The following ADAMTS18 variants were observed in gnomAD, a reference collection of about 807,000 sequenced individuals.
ADAMTS18 encodes the protein A disintegrin and metalloproteinase with thrombospondin motifs 18.
A neutral mutation model predicts 165.9 loss-of-function variants in ADAMTS18; 157 were observed. The ratio of observed to expected loss-of-function variants is 0.95; its 90% CI spans 0.83 to 1.08. ADAMTS18 has a LOEUF of 1.08. ADAMTS18 is among the 50% of genes least tolerant of loss of function. The probability of loss-of-function intolerance (pLI) is 0.00; values close to 1 mark genes in which losing one functional copy is unlikely to be tolerated. For missense variants in ADAMTS18, 2,040 were observed against 1,534.0 expected (o/e 1.33, Z -5.51); for synonymous variants, 782 against 578.2 (o/e 1.35, Z -5.06).
At chr16:77,345,193 G>A (rs1002987105) in intron 10 of ADAMTS18, among the ~76,000 whole-genome samples, 3 of 152,142 alleles carry the variant, frequency 2.0e-5, no homozygotes, top group Non-Finnish European at 2.9e-5. Context: ...AACCTGACAT[G>A]CTGAAAATGT....
At chr16:77,319,673 C>G (rs1454408657) in intron 16 of ADAMTS18, among the ~76,000 whole-genome samples, 176 bp downstream of exon 16, 1 of 152,032 alleles carries the variant, frequency 6.6e-6, no homozygotes, top group African/African-American at 2.4e-5. Context: ...CAACTCCTGC[C>G]CTCAGCTGAT....
intron 18 of ADAMTS18, among the ~76,000 whole-genome samples, chr16:77,296,179 A>G (rs2055468097): frequency 6.6e-6 from 1 of 152,174 alleles, no homozygotes; most frequent in Non-Finnish European, 1.5e-5. Flanking sequence ...ATATAAATAT[A>G]TTTGGCAGAA....
Position 77,295,089 on chromosome 16 carries a change from C to G in ADAMTS18, c.2840G>C (p.Cys947Ser), listed in dbSNP as rs1257561126. 1 of 1,614,174 alleles carries G rather than the reference C, an allele frequency of 6.2e-7. No homozygotes were observed. The highest frequency in any genetic ancestry group is 1.7e-5 in the Admixed American group (1 of 60,020). The change falls in exon 19 of 23, where the codon TGT (cysteine) becomes TCT (serine). Residue 947 changes from cysteine to serine, a missense_variant. Coordinates refer to ENST00000282849, the MANE Select transcript of ADAMTS18 (RefSeq NM_199355.4). ...CTTTCGGCTCTGCTGGCCTCCAGCA[C>G]AGGCCTTGCTGCATGTACTCCATTC... is the stretch of plus-strand genomic sequence containing the variant. ...PGEWSTCSKA[C>S]AGGQQSRKIQ...
At chr16:77,408,341 A>G (rs565135234) in intron 3 of ADAMTS18, among the ~76,000 whole-genome samples, 2 of 152,292 alleles carry the variant, frequency 1.3e-5, no homozygotes, top group South Asian at 2.1e-4. Flanking sequence ...GAGAAATTCC[A>G]TTTCTAGATA....
rs891191315 is a variant in ADAMTS18, at chr16:77,305,358, T to TA, written c.2533-4955dup. ...GAAAGTTTCTCTTTCACCCTGTTCT[T>TA]AAAAAAAAATCAGAATTTTCTCAAA... On this transcript the variant is annotated intron_variant, in intron 16 of 22. Coordinates refer to ENST00000282849, the MANE Select transcript of ADAMTS18 (RefSeq NM_199355.4). Among the ~76,000 whole-genome samples the TA allele has an allele frequency of 3.0e-4, 46 of 151,642 alleles. 1 individual carries two copies. Among genetic ancestry groups the TA allele is most frequent in the South Asian group, 4.2e-4 (2 of 4,800 alleles).
chr16:77,323,410 T>C (rs545523220), intron 13 of ADAMTS18, among the ~76,000 whole-genome samples: 8 of 152,184 alleles, frequency 5.3e-5, no homozygotes, highest in Admixed American at 1.3e-4. Flanking sequence ...CGTGGGTGGG[T>C]TAAAAGGTTC....
chr16:77,351,090 C>T (rs1032666616), intron 10 of ADAMTS18, among the ~76,000 whole-genome samples: 2 of 152,118 alleles, frequency 1.3e-5, no homozygotes, highest in Non-Finnish European at 2.9e-5. Flanking sequence ...TTTGGAAATC[C>T]CTCCTGGCTA....
chr16:77,346,430 G>A (rs1230475495), intron 10 of ADAMTS18, among the ~76,000 whole-genome samples: 4 of 151,934 alleles, frequency 2.6e-5, no homozygotes, highest in Non-Finnish European at 4.4e-5. Flanking sequence ...GTCTTCATTT[G>A]TAATAAAGAC....
intron 22 of ADAMTS18, among the ~76,000 whole-genome samples, chr16:77,285,500 T>C (rs2055232313): frequency 6.6e-6 from 1 of 152,202 alleles, no homozygotes; most frequent in Non-Finnish European, 1.5e-5. Context: ...GGCACAGTTT[T>C]GACTTTAAAA....
intron 16 of ADAMTS18, among the ~76,000 whole-genome samples, chr16:77,310,847 C>T (rs1028872314): frequency 2.6e-5 from 4 of 152,196 alleles, no homozygotes; most frequent in South Asian, 2.1e-4. Context: ...AGGCTGGTCT[C>T]AAACACCCAT....
intron 5 of ADAMTS18, 128 bp from the exon 6 acceptor site, chr16:77,364,013 T>G: frequency 8.2e-7 from 1 of 1,216,818 alleles, no homozygotes; most frequent in Non-Finnish European, 1.2e-6. Flanking sequence ...AAATACAATT[T>G]CCTCAAAACT....
At chr16:77,400,491 T>TC (rs891735408) in intron 3 of ADAMTS18, among the ~76,000 whole-genome samples, 2 of 149,022 alleles carry the variant, frequency 1.3e-5, no homozygotes, top group African/African-American at 4.9e-5. Flanking sequence ...TTTTGTTTTT[T>TC]TTTTTTTTGA....
chr16:77,339,238 G>C (rs1047783878), intron 11 of ADAMTS18, among the ~76,000 whole-genome samples: 1 of 151,992 alleles, frequency 6.6e-6, no homozygotes, highest in African/African-American at 2.4e-5. Flanking sequence ...AACCGTATAT[G>C]AATGTAATAA....
intron 3 of ADAMTS18, among the ~76,000 whole-genome samples, chr16:77,420,089 T>C (rs1055044027): frequency 2.0e-5 from 3 of 150,674 alleles, no homozygotes; most frequent in Non-Finnish European, 4.4e-5. Flanking sequence ...GAAGCCTTTT[T>C]TTCTTCCATC....
rs752800181 is a variant in ADAMTS18, at chr16:77,353,865, T to C, written c.1482A>G (p.Leu494=). Residue 494 remains leucine (L), a synonymous_variant, in exon 10 of 23, where the codon CTA becomes CTG. Coordinates refer to ENST00000282849, the MANE Select transcript of ADAMTS18 (RefSeq NM_199355.4). ...GTCCTGCTTGCTTGGGCTCATCCAC[T>C]AGACACCCCGCCTGAGGTGTGCTGT... ...KFLSTPQAGC[L]VDEPKQAGQY... is the part of the protein sequence containing the mutation. 6.2e-7 allele frequency: 1 copy of C among 1,614,184 alleles called. No homozygotes were observed. The highest frequency in any genetic ancestry group is 8.5e-7 in the Non-Finnish European group (1 of 1,180,024).
Position 77,367,628 on chromosome 16 carries a change from G to A in ADAMTS18, c.591C>T (p.His197=), listed in dbSNP as rs566046526. The A allele has an allele frequency of 6.8e-6, 11 of 1,614,192 alleles. No individual in the cohort carries two copies. Among genetic ancestry groups the A allele is most frequent in the African/African-American group, 2.7e-5 (2 of 75,054 alleles). ...QEHNYSSPAG[H]HPHVLYKRTA... ...TCCTTTTGTACAGTACGTGAGGATG[G>A]TGACCCGCAGGGGAGCTGTAGTTGT... The change falls in exon 4 of 23, where the codon CAC becomes CAT. Residue 197 remains histidine, a synonymous_variant. Transcript: ENST00000282849.
At position 77,405,351 on chromosome 16, in the gene ADAMTS18, A is replaced by G. The variant is rs899473022; in HGVS notation, c.495+25944T>C. Among the ~76,000 whole-genome samples the G allele has an allele frequency of 2.8e-4, 43 of 152,170 alleles. 1 individual carries two copies. Among genetic ancestry groups the G allele is most frequent in the African/African-American group, 9.4e-4 (39 of 41,436 alleles). On this transcript the variant is annotated intron_variant, in intron 3 of 22. Transcript: ENST00000282849. The stretch of plus-strand genomic sequence containing the variant: ...TTGGGAGAACAGCTTGCAATGTCCA[A>G]TCCTGCATCCAATTCAGCTCTCATT...
intron 3 of ADAMTS18, among the ~76,000 whole-genome samples, chr16:77,370,484 TCA>T (rs1567519873): frequency 6.6e-6 from 1 of 152,168 alleles, no homozygotes; most frequent in African/African-American, 2.4e-5. Flanking sequence ...GTGCAGTGGC[TCA>T]CACCTGTAAT....
chr16:77,322,222 C>T (rs2144642469), intron 14 of ADAMTS18, 114 bp downstream of exon 14: 1 of 1,279,474 alleles, frequency 7.8e-7, no homozygotes, highest in Non-Finnish European at 1.1e-6. Context: ...TCTTTCGCTC[C>T]ATGCCACCTG....
Sources: allele counts gnomAD v4.1 joint callset (sites outside exome capture counted in the v4.1 genomes callset), GRCh38; gene constraint gnomAD v4.1.1; transcripts MANE v1.5; gene names NCBI Gene and HGNC (gene_info 2026-07-23, HGNC 2026-07-21).